Variants in XPO4 observed in about 807,000 individuals in gnomAD.
The protein encoded by XPO4 is exportin-4.
XPO4 carries 39 observed loss-of-function variants against 143.0 expected under a neutral mutation model. The observed-to-expected ratio is 0.27, with a 90% CI of 0.21 to 0.36. The LOEUF (loss-of-function observed/expected upper bound fraction) is 0.36. Among genes scored for constraint, XPO4 ranks in the 10% least tolerant of loss-of-function variants. The pLI is 1.00. For missense variants in XPO4, 907 were observed against 1,348.0 expected (o/e 0.67, Z 5.12); for synonymous variants, 439 against 474.0 (o/e 0.93, Z 0.96).
rs2059724155 is a variant in XPO4, at chr13:20,821,888, A to G, written c.999-10T>C. ...ATCTTCTATTTCAATTCTAAAACCA[A>G]GGAATGAGTATTATTAAGTGGCAGT... On this transcript the variant is annotated splice_polypyrimidine_tract_variant and intron_variant, in intron 8 of 22. Transcript: ENST00000255305. 1.2e-6 allele frequency: 2 copies of G among 1,609,856 alleles called. No homozygotes were observed. The highest frequency in any genetic ancestry group is 2.2e-5 in the East Asian group (1 of 44,766).
intron 4 of XPO4, chr13:20,851,008 G>A: frequency 3.0e-6 from 3 of 985,116 alleles, no homozygotes; most frequent in Non-Finnish European, 3.6e-6. Flanking sequence ...TATAAAGAAA[G>A]TTTATAGCCA....
At chr13:20,874,303 G>A (rs977170778) in intron 1 of XPO4, among the ~76,000 whole-genome samples, 4 of 152,120 alleles carry the variant, frequency 2.6e-5, no homozygotes, top group African/African-American at 9.7e-5. Flanking sequence ...AACTAGAAAA[G>A]AACACATGTT....
At chr13:20,853,580 TC>T (rs1484133664) in intron 4 of XPO4, among the ~76,000 whole-genome samples, 2 of 152,086 alleles carry the variant, frequency 1.3e-5, no homozygotes, top group Middle Eastern at 3.2e-3. Flanking sequence ...CTTCATAAAA[TC>T]AAAATGACTT....
At chr13:20,785,976 GA>G (rs2059200035) in intron 22 of XPO4, among the ~76,000 whole-genome samples, 1 of 142,030 alleles carries the variant, frequency 7.0e-6, no homozygotes. Flanking sequence ...AAGAAAAAGA[GA>G]GGAAGGAAGG....
intron 13 of XPO4, among the ~76,000 whole-genome samples, chr13:20,806,697 C>T (rs528174265): frequency 2.0e-5 from 3 of 151,626 alleles, no homozygotes; most frequent in East Asian, 3.9e-4. Flanking sequence ...GGACTACAGG[C>T]GTACACCACC....
intron 1 of XPO4, among the ~76,000 whole-genome samples, chr13:20,880,656 A>G (rs1194172597): frequency 6.6e-6 from 1 of 152,158 alleles, no homozygotes; most frequent in Non-Finnish European, 1.5e-5. Context: ...TATTCTTCAG[A>G]AATAAAAAGG....
intron 19 of XPO4, among the ~76,000 whole-genome samples, chr13:20,789,394 A>AC (rs1194476308): frequency 3.2e-5 from 4 of 126,110 alleles, no homozygotes; most frequent in Non-Finnish European, 4.8e-5. Flanking sequence ...CTCAGCCTCT[A>AC]CTTTTTTTTT....
intron 13 of XPO4, among the ~76,000 whole-genome samples, chr13:20,804,155 CAATA>C (rs2059472317): frequency 6.7e-6 from 1 of 149,828 alleles, no homozygotes; most frequent in South Asian, 2.1e-4. Flanking sequence ...TATATACACA[CAATA>C]TATATATACA....
At chr13:20,889,884 C>A (rs1441098603) in intron 1 of XPO4, among the ~76,000 whole-genome samples, 1 of 152,196 alleles carries the variant, frequency 6.6e-6, no homozygotes, top group Non-Finnish European at 1.5e-5. Context: ...GTTTTGATGA[C>A]TCTAATTGCC....
intron 6 of XPO4, among the ~76,000 whole-genome samples, chr13:20,833,295 C>T (rs964251903): frequency 4.6e-5 from 7 of 152,150 alleles, no homozygotes; most frequent in African/African-American, 1.2e-4. Flanking sequence ...CACGGAGCTT[C>T]GCGCAGTAGG....
At chr13:20,900,743 C>G (rs2060613112) in intron 1 of XPO4, among the ~76,000 whole-genome samples, 1 of 151,760 alleles carries the variant, frequency 6.6e-6, no homozygotes, top group Non-Finnish European at 1.5e-5. Flanking sequence ...TCCAGAGTAG[C>G]TGAGATTAAA....
chr13:20,795,788 G>C (rs372292447), intron 18 of XPO4, among the ~76,000 whole-genome samples: 23 of 152,306 alleles, frequency 1.5e-4, no homozygotes, highest in African/African-American at 4.3e-4. Context: ...CATCTATAAA[G>C]TGAGAATAAC....
intron 2 of XPO4, chr13:20,863,213 A>C: frequency 1.5e-6 from 1 of 651,672 alleles, no homozygotes; most frequent in Non-Finnish European, 1.9e-6. Flanking sequence ...TGCAAAACAG[A>C]ACTTTGTATC....
At chr13:20,884,735 T>G (rs2060445318) in intron 1 of XPO4, among the ~76,000 whole-genome samples, 1 of 151,926 alleles carries the variant, frequency 6.6e-6, no homozygotes, top group African/African-American at 2.4e-5. Context: ...TTTAAAATGA[T>G]TCTACCTGGG....
At chr13:20,836,204 A>C (rs1349957378) in intron 6 of XPO4, among the ~76,000 whole-genome samples, 2 of 152,144 alleles carry the variant, frequency 1.3e-5, no homozygotes, top group Admixed American at 1.3e-4. Context: ...ATCAATTACT[A>C]ATTACTACCT....
At chr13:20,802,820 T>A (rs910717514) in intron 13 of XPO4, among the ~76,000 whole-genome samples, 5 of 152,200 alleles carry the variant, frequency 3.3e-5, no homozygotes, top group African/African-American at 9.6e-5. Flanking sequence ...CATAAGACCA[T>A]TAAGTGTTTA....
At chr13:20,861,129 A>G (rs971104585) in intron 3 of XPO4, among the ~76,000 whole-genome samples, 6 of 152,156 alleles carry the variant, frequency 3.9e-5, no homozygotes, top group African/African-American at 1.4e-4. Flanking sequence ...ATTACATAAC[A>G]AAATTTTTTC....
rs1287888185 is a variant in XPO4 at position 20,857,883 on chromosome 13, A to G, written c.318-2118T>C. ...TAAAGGACATTGTGCATTTCACTGT[A>G]TACAAATTTTATTTCAATTAAGAGG... is the stretch of plus-strand genomic sequence containing the variant. On this transcript the variant is annotated intron_variant, in intron 3 of 22. Coordinates refer to ENST00000255305, the MANE Select transcript of XPO4 (RefSeq NM_022459.5). 4.1e-6 allele frequency: 4 copies of G among 985,288 alleles called. No individual in the cohort carries two copies. In the African/African-American group the frequency reaches 7.0e-5, roughly 17 times the overall value. The allele number at this position is 985,288 out of a possible 1,614,324, so 61.0% of individuals were successfully genotyped here. A position where few individuals can be genotyped will look rare whatever the true frequency, so the allele number is the denominator to read the frequency against.
intron 1 of XPO4, among the ~76,000 whole-genome samples, chr13:20,899,346 TAA>T (rs540285081): frequency 2.0e-4 from 23 of 116,586 alleles, no homozygotes; most frequent in East Asian, 2.4e-4. Context: ...GTAAAAAAAG[TAA>T]AAAAAAAAAA....
Sources: gnomAD v4.1 joint callset for allele counts (sites outside exome capture counted in the v4.1 genomes callset) on GRCh38, gnomAD v4.1.1 for gene constraint, MANE v1.5 for transcripts, NCBI Gene and HGNC (gene_info 2026-07-23, HGNC 2026-07-21) for gene names.